The following DHX38 variants were observed in gnomAD, a reference collection of about 807,000 sequenced individuals.
The protein encoded by DHX38 is DEAH-box helicase 38.
A neutral mutation model predicts 153.1 loss-of-function variants in DHX38; 100 were observed. The ratio of observed to expected loss-of-function variants is 0.65; its 90% confidence interval spans 0.56 to 0.77. The LOEUF (loss-of-function observed/expected upper bound fraction) is 0.77. Among genes scored for constraint, DHX38 ranks in the 30% least tolerant of loss-of-function variants. The pLI is 0.00. For missense variants in DHX38, 1,440 were observed against 1,654.0 expected, an observed-to-expected ratio of 0.87 and a Z score of 2.24; for synonymous variants, 650 against 631.7, an observed-to-expected ratio of 1.03 and a Z score of -0.43.
chr16:72,098,771 T>G lies in DHX38; in HGVS notation c.743T>G (p.Leu248Arg), dbSNP rs772832163. ...SYRDSERSHR[L>R]STRDRDRSVR... is the part of the protein sequence containing the mutation. ...CGGGATTCTGAGCGGAGCCATCGGC[T>G]GTCCACTCGAGATCGAGACAGGTGA... The change falls in exon 5 of 27, where the codon CTG becomes CGG. Residue 248 changes from leucine (L) to arginine (R), a missense_variant. Physicochemically the swap from Leu to Arg is moderately radical, Grantham distance 102. Around this residue, in one of 6 missense-constraint regions of DHX38, gnomAD observed 483 missense variants for 465.1 expected, o/e 1.04. Transcript: ENST00000268482. 3.7e-6 allele frequency: 6 copies of G among 1,614,184 alleles called. No homozygotes were observed. The highest frequency in any genetic ancestry group is 5.1e-6 in the Non-Finnish European group (6 of 1,180,020).
At position 72,097,746 on chromosome 16, in the gene DHX38, G is replaced by T; in HGVS notation, c.581G>T (p.Arg194Ile). ...GGAGGGTCAGAGCGTAGCAGCAGAA[G>T]AAATGAACCCGAGAGCCCACGACAT... ...RDGGSERSSR[R>I]NEPESPRHRP... The change falls in exon 4 of 27, where the codon AGA (arginine) becomes ATA (isoleucine). Residue 194 changes from arginine to isoleucine, a missense_variant. Arg to Ile is a moderately conservative substitution (Grantham distance 97). Transcript: ENST00000268482. 6 of 1,614,032 alleles carry T rather than the reference G, an allele frequency of 3.7e-6. No homozygotes were observed. The highest frequency in any genetic ancestry group is 5.1e-6 in the Non-Finnish European group (6 of 1,179,898).
chr16:72,101,157 A>G lies in DHX38; in HGVS notation c.1350A>G (p.Thr450=), dbSNP rs2042094594. The change falls in exon 10 of 27, where the codon ACA becomes ACG. Residue 450 remains threonine (T), a synonymous_variant. Transcript: ENST00000268482. ...TCATTGCTCGGAAAGGCAGCCAGACAGTGCGGAAGCACAGGGAGCAGAAGG... is the reference window on the plus strand; with the variant it reads ...TCATTGCTCGGAAAGGCAGCCAGACGGTGCGGAAGCACAGGGAGCAGAAGG... ...LAIIARKGSQ[T]VRKHREQKER... 2.5e-6 allele frequency: 4 copies of G among 1,614,176 alleles called. No homozygotes were observed. The highest frequency in any genetic ancestry group is 1.7e-6 in the Non-Finnish European group (2 of 1,180,062).
At chr16:72,109,633 T>G in intron 25 of DHX38, 123 bp downstream of exon 25, 2 of 907,960 alleles carry the variant, frequency 2.2e-6, no homozygotes, top group South Asian at 4.0e-5. Context: ...ATAAAGGCTG[T>G]GATCCAGCAG....
Position 72,099,266 on chromosome 16 carries a change from G to A in DHX38, c.946G>A (p.Glu316Lys). ...FDTEEERQQW[E>K]DDQRQADRDW... is the part of the protein sequence containing the mutation. Reference sequence around the variant, plus strand: ...CACGGAGGAGGAGCGGCAGCAGTGGGAAGATGACCAGAGGGTAAAGTTTTA... The same window carrying A: ...CACGGAGGAGGAGCGGCAGCAGTGGAAAGATGACCAGAGGGTAAAGTTTTA... The change falls in exon 7 of 27, where the codon GAA (glutamate) becomes AAA (lysine). Residue 316 changes from glutamate to lysine, a missense_variant. This residue lies in a region of DHX38 where 483 missense variants were observed against 465.1 expected (regional missense o/e 1.04). Transcript: ENST00000268482. 1.9e-6 allele frequency: 3 copies of A among 1,612,146 alleles called. No individual in the cohort carries two copies. The highest frequency in any genetic ancestry group is 2.5e-6 in the Non-Finnish European group (3 of 1,179,322).
Position 72,104,595 on chromosome 16 carries a change from G to C in DHX38, c.2120G>C (p.Arg707Pro). The change falls in exon 15 of 27, where the codon CGT becomes CCT. Residue 707 changes from arginine to proline, a missense_variant. Coordinates refer to ENST00000268482, the MANE Select transcript of DHX38 (RefSeq NM_014003.4). The surrounding 1 kb of genome is among the most constrained non-coding windows in gnomAD (Gnocchi z 4.5). The part of the protein sequence containing the change: ...GNVPIFHIPG[R>P]TFPVDILFSK... ...GTCCCCATCTTCCACATCCCTGGCC[G>C]TACCTTCCCTGTTGACATCCTCTTC... 1 of 1,614,086 alleles carries C rather than the reference G, an allele frequency of 6.2e-7. No individual in the cohort carries two copies. The highest frequency in any genetic ancestry group is 8.5e-7 in the Non-Finnish European group (1 of 1,180,002).
chr16:72,098,864 G>C, intron 5 of DHX38, 63 bp from the exon 6 acceptor site: 1 of 1,613,760 alleles, frequency 6.2e-7, no homozygotes, highest in Non-Finnish European at 8.5e-7. Context: ...AGAGCAGATG[G>C]TGGCCAGGAG....
At chr16:72,097,121 C>A in intron 3 of DHX38, 112 bp downstream of exon 3, 2 of 1,222,148 alleles carry the variant, frequency 1.6e-6, no homozygotes, top group Non-Finnish European at 2.2e-6. Flanking sequence ...GTCCTATTTG[C>A]ATGATGTCCG....
intron 23 of DHX38, 61 bp downstream of exon 23, chr16:72,108,668 T>G (rs1322289749): frequency 3.1e-6 from 5 of 1,592,980 alleles, no homozygotes; most frequent in Non-Finnish European, 4.3e-6. Flanking sequence ...GCAAAGTTCT[T>G]CCTTTGTCCT....
At chr16:72,108,706 G>A (rs1012084480) in intron 23 of DHX38, 94 bp from the exon 24 acceptor site, 9 of 1,586,928 alleles carry the variant, frequency 5.7e-6, no homozygotes, top group African/African-American at 2.7e-5. Flanking sequence ...CTGGGCTTCC[G>A]CCAAAGGCTG....
In DHX38 at chr16:72,099,713, T is replaced by C. The variant is rs756328502; in HGVS notation, c.961-19T>C. The C allele has an allele frequency of 1.9e-6, 3 of 1,613,564 alleles. No individual in the cohort carries two copies. In the Admixed American group the frequency reaches 5.0e-5, roughly 27 times the overall value. ...CTTGATCTGTCCCTCACTCCCTTGC[T>C]TTGCCTCCTGCCCTGCAGCAAGCCG... On this transcript the variant is annotated intron_variant, in intron 7 of 26. Coordinates refer to ENST00000268482, the MANE Select transcript of DHX38 (RefSeq NM_014003.4).
In DHX38 at chr16:72,112,457, C is replaced by G. The variant is rs745680032; in HGVS notation, c.3644C>G (p.Pro1215Arg). The G allele has an allele frequency of 6.2e-7, 1 of 1,611,994 alleles. No individual in the cohort carries two copies. Among genetic ancestry groups the G allele is most frequent in the South Asian group, 1.1e-5 (1 of 91,080 alleles). The stretch of plus-strand genomic sequence containing the variant: ...CCAGGCCGGAAAGAGCAAGGGGAGC[C>G]CATGACCCCTCGCCGCACGCCAGCC... ...YTPGRKEQGE[P>R]MTPRRTPARF... Residue 1215 changes from proline to arginine, a missense_variant, in exon 27 of 27, where the codon CCC (proline) becomes CGC (arginine). Transcript: ENST00000268482.
intron 19 of DHX38, among the ~76,000 whole-genome samples, chr16:72,106,455 T>TCTTTC (rs1555539044): frequency 2.7e-5 from 4 of 149,056 alleles, no homozygotes; most frequent in Admixed American, 1.3e-4. Flanking sequence ...TTTCTTTCTT[T>TCTTTC]TTTCCAATTA....
In DHX38 at chr16:72,107,454, C is replaced by G. The variant is rs2042194122; in HGVS notation, c.2715C>G (p.Asp905Glu). Reference protein sequence around the residue: ...VLLLKSLGVQDLLQFHFMDPP... With the variant: ...VLLLKSLGVQELLQFHFMDPP... ...TGCTCAAGTCCCTCGGGGTGCAGGACCTGCTGCAGTTCCACTTCATGGACC... is the reference window on the plus strand; with the variant it reads ...TGCTCAAGTCCCTCGGGGTGCAGGAGCTGCTGCAGTTCCACTTCATGGACC... Residue 905 changes from aspartate (D) to glutamate (E), a missense_variant, in exon 20 of 27, where the codon GAC becomes GAG. Coordinates refer to ENST00000268482, the MANE Select transcript of DHX38 (RefSeq NM_014003.4). The surrounding 1 kb of genome is among the most constrained non-coding windows in gnomAD (Gnocchi z 5.3). The G allele has an allele frequency of 6.2e-7, 1 of 1,614,204 alleles. No homozygotes were observed. The highest frequency in any genetic ancestry group is 8.5e-7 in the Non-Finnish European group (1 of 1,180,034).
chr16:72,099,764 G>A lies in DHX38; in HGVS notation c.993G>A (p.Glu331=), dbSNP rs758309546. The change falls in exon 8 of 27, where the codon GAG becomes GAA. Residue 331 remains glutamate (E), a synonymous_variant. Coordinates refer to ENST00000268482, the MANE Select transcript of DHX38 (RefSeq NM_014003.4). The part of the protein sequence containing the change: ...QADRDWYMMD[E]GYDEFHNPLA... The stretch of plus-strand genomic sequence containing the variant: ...ATCGGGATTGGTACATGATGGACGA[G>A]GGCTATGACGAGTTCCACAACCCGC... 11 of 1,614,168 alleles carry A rather than the reference G, an allele frequency of 6.8e-6. No individual in the cohort carries two copies. The South Asian group carries it at 1.2e-4, about 18-fold the overall frequency.
intron 13 of DHX38, 48 bp from the exon 14 acceptor site, chr16:72,103,898 G>C: frequency 6.2e-7 from 1 of 1,609,052 alleles, no homozygotes; most frequent in Non-Finnish European, 8.5e-7. Context: ...GGGTGTGCTG[G>C]TGGTGAGCCG....
chr16:72,111,396 G>T (rs2042254117), intron 26 of DHX38, among the ~76,000 whole-genome samples: 1 of 152,236 alleles, frequency 6.6e-6, no homozygotes. Flanking sequence ...TTGGGCTTCT[G>T]CGTCTGTGCT....
At chr16:72,097,840 GAC>G (rs1167390150) in intron 4 of DHX38, 59 bp downstream of exon 4, 3 of 1,447,274 alleles carry the variant, frequency 2.1e-6, no homozygotes, top group Non-Finnish European at 2.8e-6. Context: ...CAGAGTGAGT[GAC>G]TCTCGTCTTC....
chr16:72,096,694 A>G (rs2042023810), intron 2 of DHX38, 128 bp from the exon 3 acceptor site: 2 of 1,489,290 alleles, frequency 1.3e-6, no homozygotes, highest in South Asian at 2.7e-5. Context: ...GGTTGTTGCC[A>G]TATGTGAGCC....
Position 72,103,720 on chromosome 16 carries a change from C to T in DHX38, c.1756C>T (p.Arg586Trp), listed in dbSNP as rs2042132070. The stretch of plus-strand genomic sequence containing the variant: ...TGGGATGATTGGGTGTACCCAGCCC[C>T]GGCGTGTAGCTGCCATGTCAGTGGC... ...DYGMIGCTQPRRVAAMSVAKR... is the reference protein window; with the variant it reads ...DYGMIGCTQPWRVAAMSVAKR... Residue 586 changes from arginine (R) to tryptophan (W), a missense_variant, in exon 13 of 27, where the codon CGG becomes TGG. This residue lies in a region of DHX38 where 241 missense variants were observed against 229.5 expected (regional missense o/e 1.05). Coordinates refer to ENST00000268482, the MANE Select transcript of DHX38 (RefSeq NM_014003.4). 3 of 1,613,922 alleles carry T rather than the reference C, an allele frequency of 1.9e-6. No homozygotes were observed. Among genetic ancestry groups the T allele is most frequent in the African/African-American group, 1.3e-5 (1 of 74,904 alleles).
Sources: allele counts gnomAD v4.1 joint callset (sites outside exome capture counted in the v4.1 genomes callset), GRCh38; gene constraint gnomAD v4.1.1; regional missense constraint gnomAD v4.1.1; non-coding constraint Gnocchi (gnomAD v3.1); transcripts MANE v1.5; gene names NCBI Gene and HGNC (gene_info 2026-07-23, HGNC 2026-07-21).